Variants in LRRK2 observed in about 807,000 individuals in gnomAD.
The protein encoded by LRRK2 is leucine-rich repeat serine/threonine-protein kinase 2.
Under a neutral mutation model 302.6 loss-of-function variants are expected in LRRK2, and 203 were observed. The observed-to-expected ratio is 0.67, with a 90% CI of 0.60 to 0.75. The LOEUF is 0.75. LRRK2 is among the 30% of genes least tolerant of loss of function. The probability of loss-of-function intolerance (pLI) is 0.00; values close to 1 mark genes in which losing one functional copy is unlikely to be tolerated. For synonymous variants in LRRK2, 1,066 were observed against 1,031.9 expected (o/e 1.03, Z -0.63); for missense variants, 2,830 against 2,951.0 (o/e 0.96, Z 0.95).
intron 20 of LRRK2, 132 bp downstream of exon 20, chr12:40,287,671 A>T: frequency 3.4e-6 from 3 of 871,726 alleles, no homozygotes; most frequent in Non-Finnish European, 3.6e-6. Flanking sequence ...TATCGCAAAC[A>T]GTTAAGTTTA....
At chr12:40,235,549 G>A (rs572844007) in intron 3 of LRRK2, 77 bp from the exon 4 acceptor site, 1 of 938,840 alleles carries the variant, frequency 1.1e-6, no homozygotes, top group Non-Finnish European at 1.7e-6. Flanking sequence ...AAAAATAGGT[G>A]AGCAAAAAAA....
intron 33 of LRRK2, 59 bp downstream of exon 33, chr12:40,315,359 G>C (rs534097689): frequency 7.3e-7 from 1 of 1,370,242 alleles, no homozygotes; most frequent in Non-Finnish European, 1.0e-6. Flanking sequence ...AACAGATGGC[G>C]CCCAGAGCAT....
chr12:40,270,008 T>C (rs1008668302), intron 14 of LRRK2, among the ~76,000 whole-genome samples: 1 of 152,150 alleles, frequency 6.6e-6, no homozygotes, highest in African/African-American at 2.4e-5. Context: ...CTATGCACCC[T>C]GGACAAGTAC....
At chr12:40,298,890 T>TATATTA in intron 24 of LRRK2, among the ~76,000 whole-genome samples, 1 of 126,218 alleles carries the variant, frequency 7.9e-6, no homozygotes, top group East Asian at 2.1e-4. Flanking sequence ...ATAATACTTA[T>TATATTA]TATATATATA....
At chr12:40,333,217 A>T (rs528751650) in intron 39 of LRRK2, among the ~76,000 whole-genome samples, 2 of 152,242 alleles carry the variant, frequency 1.3e-5, no homozygotes, top group Non-Finnish European at 2.9e-5. Flanking sequence ...AAAAGATTTT[A>T]TCTACTAAGC....
intron 5 of LRRK2, among the ~76,000 whole-genome samples, chr12:40,239,993 T>C (rs1941655599): frequency 6.6e-6 from 1 of 152,210 alleles, no homozygotes; most frequent in Admixed American, 6.6e-5. Context: ...TGCTGTCTGA[T>C]GGAAAACCAC....
chr12:40,293,686 G>T, intron 21 of LRRK2, 23 bp downstream of exon 21: 1 of 1,482,954 alleles, frequency 6.7e-7, no homozygotes, highest in South Asian at 1.1e-5. Flanking sequence ...GTGCAATTGT[G>T]ATTATGTTGT....
At chr12:40,301,041 A>G in intron 25 of LRRK2, 1 of 461,556 alleles carries the variant, frequency 2.2e-6, no homozygotes, top group South Asian at 1.5e-5. Flanking sequence ...TGAAGCCGTG[A>G]GATTTTTTGT....
chr12:40,304,926 C>T (rs1211264547), intron 27 of LRRK2: 1 of 151,986 alleles, frequency 6.6e-6, no homozygotes, highest in Non-Finnish European at 1.5e-5. Context: ...CATTGTATCA[C>T]CAAATCTCTG....
chr12:40,272,750 A>G (rs968219613), intron 14 of LRRK2, among the ~76,000 whole-genome samples: 8 of 152,176 alleles, frequency 5.3e-5, no homozygotes, highest in Non-Finnish European at 1.2e-4. Flanking sequence ...TTAAGGGATG[A>G]TAAGCACCAA....
chr12:40,260,505 G>A (rs1331423542), intron 13 of LRRK2, among the ~76,000 whole-genome samples: 1 of 151,594 alleles, frequency 6.6e-6, no homozygotes, highest in Non-Finnish European at 1.5e-5. Context: ...GATAAGGAGA[G>A]GAGTGCTTGG....
In LRRK2 at chr12:40,321,099, T is replaced by C; in HGVS notation, c.5081T>C (p.Leu1694Pro). ...GAGAACTCTGAAATTATCATCCGAC[T>C]ATATGAAATGCCTTATTTTCCAATG... ...HCENSEIIIRLYEMPYFPMGF... is the reference protein window; with the variant it reads ...HCENSEIIIRPYEMPYFPMGF... Residue 1694 changes from leucine to proline, a missense_variant, in exon 35 of 51, where the codon CTA becomes CCA. Transcript: ENST00000298910. The C allele has an allele frequency of 6.2e-7, 1 of 1,612,970 alleles. No homozygotes were observed. Among genetic ancestry groups the C allele is most frequent in the Non-Finnish European group, 8.5e-7 (1 of 1,179,084 alleles).
chr12:40,274,677 G>T lies in LRRK2; in HGVS notation c.1751G>T (p.Gly584Val). 6.2e-7 allele frequency: 1 copy of T among 1,614,018 alleles called. No individual in the cohort carries two copies. The highest frequency in any genetic ancestry group is 8.5e-7 in the Non-Finnish European group (1 of 1,179,934). The change falls in exon 15 of 51, where the codon GGT becomes GTT. Residue 584 changes from glycine to valine, a missense_variant. Physicochemically the swap from Gly to Val is moderately radical, Grantham distance 109 (BLOSUM62 -3). This residue lies in a region of LRRK2 where 2,121 missense variants were observed against 2,148.0 expected (regional missense o/e 0.99). Coordinates refer to ENST00000298910, the MANE Select transcript of LRRK2 (RefSeq NM_198578.4). ...GCATTAGAGATGTTATCCCTGGAAG[G>T]TGCTATGGATTCAGTGCTTCACACA... ...PDALEMLSLEGAMDSVLHTLQ... is the reference protein window; with the variant it reads ...PDALEMLSLEVAMDSVLHTLQ...
intron 46 of LRRK2, among the ~76,000 whole-genome samples, chr12:40,357,447 A>T (rs1946573310): frequency 6.6e-6 from 1 of 152,102 alleles, no homozygotes; most frequent in Non-Finnish European, 1.5e-5. Flanking sequence ...CCTTTCCTTT[A>T]GATTAGTATC....
At chr12:40,292,478 C>T (rs1944198058) in intron 20 of LRRK2, among the ~76,000 whole-genome samples, 1 of 151,662 alleles carries the variant, frequency 6.6e-6, no homozygotes, top group African/African-American at 2.4e-5. Context: ...TGCTAATAGA[C>T]ATTTCACACA....
chr12:40,267,082 A>G (rs1409431687), intron 14 of LRRK2, among the ~76,000 whole-genome samples: 1 of 152,154 alleles, frequency 6.6e-6, no homozygotes, highest in Non-Finnish European at 1.5e-5. Flanking sequence ...ATGTATACAT[A>G]TGTAACTAAC....
intron 46 of LRRK2, 65 bp downstream of exon 46, chr12:40,356,252 AC>A (rs1419890296): frequency 9.1e-5 from 103 of 1,134,200 alleles, no homozygotes; most frequent in Non-Finnish European, 8.7e-5. Flanking sequence ...TATATCTCAC[AC>A]CCCTCTTATG....
At chr12:40,262,552 G>A (rs1236644350) in intron 13 of LRRK2, among the ~76,000 whole-genome samples, 2 of 152,130 alleles carry the variant, frequency 1.3e-5, no homozygotes, top group Non-Finnish European at 2.9e-5. Flanking sequence ...GGGAGATGAT[G>A]AGATTATGGA....
intron 16 of LRRK2, among the ~76,000 whole-genome samples, chr12:40,276,799 C>T (rs1003048062): frequency 1.3e-4 from 20 of 151,916 alleles, no homozygotes; most frequent in South Asian, 1.0e-3. Context: ...CATAAGAGTT[C>T]GAAGTAATAA....
Sources: gnomAD v4.1 joint callset for allele counts (sites outside exome capture counted in the v4.1 genomes callset) on GRCh38, gnomAD v4.1.1 for gene constraint, gnomAD v4.1.1 regional missense constraint, MANE v1.5 for transcripts, NCBI Gene and HGNC (gene_info 2026-07-23, HGNC 2026-07-21) for gene names.